DMD: variants seen among roughly 807,000 people sequenced by gnomAD.
DMD encodes the protein dystrophin.
DMD carries 63 observed loss-of-function variants against 330.1 expected under a neutral mutation model. The ratio of observed to expected loss-of-function variants is 0.19; its 90% CI spans 0.16 to 0.24. The LOEUF (loss-of-function observed/expected upper bound fraction) is 0.24, where lower values mean the gene tolerates loss of function less well. DMD is among the 10% of genes least tolerant of loss of function. The pLI is 1.00. For synonymous variants in DMD, 1,223 were observed against 959.8 expected, an observed-to-expected ratio of 1.27 and a Z score of -5.07; for missense variants, 3,344 against 2,684.1, an observed-to-expected ratio of 1.25 and a Z score of -5.43.
intron 2 of DMD, among the ~76,000 whole-genome samples, chrX:32,865,333 G>C (rs757162369): frequency 2.7e-5 from 3 of 111,424 alleles, no homozygotes; most frequent in Non-Finnish European, 5.6e-5. Flanking sequence ...TTTTTTTGTC[G>C]TAAGTATGGT....
intron 54 of DMD, among the ~76,000 whole-genome samples, chrX:31,631,549 A>G (rs1235704199): frequency 9.0e-6 from 1 of 111,063 alleles, no homozygotes; most frequent in Non-Finnish European, 1.9e-5. Context: ...TAGGAAGGAG[A>G]GGCGGAGGGT....
chrX:32,581,798 A>T (rs1435593312), intron 13 of DMD, among the ~76,000 whole-genome samples: 1 of 112,078 alleles, frequency 8.9e-6, no homozygotes, highest in Non-Finnish European at 1.9e-5. Context: ...ATGGACGTAA[A>T]GGAAAAACTA....
At chrX:32,287,825 T>C in intron 42 of DMD, 124 bp from the exon 43 acceptor site, 2 of 486,602 alleles carry the variant, frequency 4.1e-6, no homozygotes, top group Non-Finnish European at 6.3e-6. Flanking sequence ...ATTATTGACT[T>C]TTTAAAGTTA....
At chrX:32,612,264 G>T (rs908688383) in intron 12 of DMD, among the ~76,000 whole-genome samples, 26 of 110,598 alleles carry the variant, frequency 2.4e-4, no homozygotes, top group African/African-American at 8.2e-4. Flanking sequence ...ATTGGCTAAG[G>T]GCAGCTCTGG....
rs2050590376 is a variant in DMD, at chrX:33,190,988, ATATATAATATATAATATTAT to A, written c.31+20274_31+20293del. Among the ~76,000 whole-genome samples, 9 of 1,770 alleles carry A rather than the reference ATATATAATATATAATATTAT, an allele frequency of 5.1e-3. 2 individuals are homozygous for A. Among genetic ancestry groups the A allele is most frequent in the Non-Finnish European group, 7.7e-3 (6 of 784 alleles). 1.5% of individuals were successfully genotyped at this position (1,770 alleles called of 115,157 possible). On this transcript the variant is annotated intron_variant, in intron 1 of 78. Coordinates refer to ENST00000357033, the MANE Select transcript of DMD (RefSeq NM_004006.3). ...ATATAATATATAATATTATATATAT[ATATATAATATATAATATTAT>A]ATATATATATATAGTGTACACCTAT...
At chrX:32,311,646 T>G (rs1490968159) in intron 41 of DMD, among the ~76,000 whole-genome samples, 5 of 111,730 alleles carry the variant, frequency 4.5e-5, no homozygotes, top group African/African-American at 1.6e-4. Context: ...AATGGAATAA[T>G]GTATATATAT....
chrX:33,196,146 G>A (rs2050921721), intron 1 of DMD, among the ~76,000 whole-genome samples: 1 of 111,785 alleles, frequency 8.9e-6, no homozygotes, highest in African/African-American at 3.2e-5. Flanking sequence ...AATATTAATA[G>A]TCATTGGTGG....
At chrX:32,851,167 C>CT (rs1346140283) in intron 2 of DMD, among the ~76,000 whole-genome samples, 1 of 110,957 alleles carries the variant, frequency 9.0e-6, no homozygotes, top group Non-Finnish European at 1.9e-5. Context: ...AAAGACATCC[C>CT]TTAAACTTCC....
At chrX:32,605,937 C>T (rs1429666807) in intron 12 of DMD, among the ~76,000 whole-genome samples, 1 of 109,405 alleles carries the variant, frequency 9.1e-6, no homozygotes, top group Non-Finnish European at 1.9e-5. Flanking sequence ...TTGTGGGGTA[C>T]ATGAGATGTT....
chrX:31,164,822 T>C (rs994600422), intron 74 of DMD, among the ~76,000 whole-genome samples: 4 of 111,270 alleles, frequency 3.6e-5, no homozygotes, highest in African/African-American at 1.3e-4. Context: ...AACTCTGCAG[T>C]GGGTACCACA....
At chrX:32,527,146 C>T (rs2047002180) in intron 17 of DMD, among the ~76,000 whole-genome samples, 1 of 111,932 alleles carries the variant, frequency 8.9e-6, no homozygotes, top group Non-Finnish European at 1.9e-5. Context: ...CTGTGAAATA[C>T]GTTAACCATT....
At chrX:33,151,600 G>A (rs1204374369) in intron 1 of DMD, among the ~76,000 whole-genome samples, 2 of 112,054 alleles carry the variant, frequency 1.8e-5, no homozygotes, top group East Asian at 5.6e-4. Context: ...GAACTTGTAT[G>A]TGAAGCCTGT....
At chrX:31,450,785 A>G (rs1324269635) in intron 59 of DMD, among the ~76,000 whole-genome samples, 2 of 112,222 alleles carry the variant, frequency 1.8e-5, no homozygotes, top group African/African-American at 6.5e-5. Context: ...TTCCCAGATC[A>G]CAAATTGTAC....
chrX:33,091,420 A>G (rs1319226190), intron 1 of DMD, among the ~76,000 whole-genome samples: 1 of 111,720 alleles, frequency 9.0e-6, no homozygotes, highest in Non-Finnish European at 1.9e-5. Context: ...TTTTATGTAA[A>G]AGGTTGTATG....
At chrX:31,692,820 G>A (rs1474067091) in intron 52 of DMD, among the ~76,000 whole-genome samples, 1 of 111,630 alleles carries the variant, frequency 9.0e-6, no homozygotes, top group Non-Finnish European at 1.9e-5. Context: ...AGACCAGATG[G>A]CTTCATGGGA....
At chrX:32,800,559 A>G (rs2076481019) in intron 7 of DMD, among the ~76,000 whole-genome samples, 1 of 111,609 alleles carries the variant, frequency 9.0e-6, no homozygotes, top group Admixed American at 9.6e-5. Context: ...AAACTTTAAG[A>G]AACTTTTTAT....
Position 32,245,967 on chromosome X carries a change from C to A in DMD, c.6291-28904G>T, listed in dbSNP as rs1436333786. Among the ~76,000 whole-genome samples the A allele has an allele frequency of 5.2e-3, 518 of 99,657 alleles. 7 individuals carry two copies. The highest frequency in any genetic ancestry group is 0.018 in the African/African-American group (476 of 26,310). 86.5% of individuals were successfully genotyped at this position (99,657 alleles called of 115,157 possible). On this transcript the variant is annotated intron_variant, in intron 43 of 78. Transcript: ENST00000357033. ...AATACCTTTTATTTCCTTCTCCTGC[C>A]TGATTGCCCTGGCCAGAACTTCCAA...
At chrX:31,177,148 T>A (rs2040593210) in intron 71 of DMD, among the ~76,000 whole-genome samples, 1 of 111,566 alleles carries the variant, frequency 9.0e-6, no homozygotes, top group African/African-American at 3.2e-5. Context: ...AATAGGCACT[T>A]TGTTTGCTAA....
intron 2 of DMD, among the ~76,000 whole-genome samples, chrX:32,999,665 A>G (rs2093221502): frequency 9.0e-6 from 1 of 110,613 alleles, no homozygotes; most frequent in Non-Finnish European, 1.9e-5. Flanking sequence ...AGTCCCAGCT[A>G]CTCAGGAGGC....
Sources: allele counts gnomAD v4.1 joint callset (sites outside exome capture counted in the v4.1 genomes callset), GRCh38; gene constraint gnomAD v4.1.1; transcripts MANE v1.5; gene names NCBI Gene and HGNC (gene_info 2026-07-23, HGNC 2026-07-21).